Variants in ADGRB3 observed in about 807,000 individuals in gnomAD.
The protein encoded by ADGRB3 is adhesion G protein-coupled receptor B3, also known as brain-specific angiogenesis inhibitor 3.
In ADGRB3, 37 loss-of-function variants were observed where a neutral mutation model predicts 193.4. That is an observed-to-expected ratio of 0.19 (90% CI 0.15 to 0.25). The LOEUF (loss-of-function observed/expected upper bound fraction) is 0.25. ADGRB3 is among the 10% of genes least tolerant of loss of function. The probability of loss-of-function intolerance (pLI) is 1.00; values close to 1 mark genes in which losing one functional copy is unlikely to be tolerated. For synonymous variants in ADGRB3, 690 were observed against 644.2 expected (o/e 1.07, Z -1.08); for missense variants, 1,637 against 1,852.9 (o/e 0.88, Z 2.14).
At chr6:69,105,750 GC>G (rs1773189076) in intron 17 of ADGRB3, among the ~76,000 whole-genome samples, 1 of 152,144 alleles carries the variant, frequency 6.6e-6, no homozygotes, top group Non-Finnish European at 1.5e-5. Context: ...GGAGTAGCAT[GC>G]CCAAGGCTAC....
At chr6:69,255,641 A>G (rs1766748374) in intron 20 of ADGRB3, among the ~76,000 whole-genome samples, 1 of 151,866 alleles carries the variant, frequency 6.6e-6, no homozygotes, top group Admixed American at 6.6e-5. Flanking sequence ...ATTTTCTCCC[A>G]TTTTGTGGGT....
chr6:69,254,433 A>G (rs1035481387), intron 20 of ADGRB3, among the ~76,000 whole-genome samples: 2 of 152,070 alleles, frequency 1.3e-5, no homozygotes, highest in African/African-American at 4.8e-5. Context: ...AAAGGATTCT[A>G]TTATGTATAA....
intron 3 of ADGRB3, among the ~76,000 whole-genome samples, chr6:68,890,426 C>T (rs1222051745): frequency 6.6e-6 from 1 of 152,168 alleles, no homozygotes; most frequent in Admixed American, 6.6e-5. Flanking sequence ...TTTAAAGGAA[C>T]TTTGTTATAC....
chr6:69,045,129 A>G lies in ADGRB3; in HGVS notation c.2108-3056A>G, dbSNP rs562003706. Among the ~76,000 whole-genome samples, 17 of 152,318 alleles carry G rather than the reference A, an allele frequency of 1.1e-4. No individual in the cohort carries two copies. In the South Asian group the frequency reaches 2.9e-3, roughly 26 times the overall value. Reference sequence around the variant, plus strand: ...TTCCCTAAAGATGTTAACAGCATCAAAATTTTACCTGAGTGTTTTGACAGT... The same window carrying G: ...TTCCCTAAAGATGTTAACAGCATCAGAATTTTACCTGAGTGTTTTGACAGT... On this transcript the variant is annotated intron_variant, in intron 13 of 31. Transcript: ENST00000370598.
chr6:69,197,549 G>A (rs572608891), intron 17 of ADGRB3, among the ~76,000 whole-genome samples: 11 of 151,880 alleles, frequency 7.2e-5, no homozygotes, highest in South Asian at 2.1e-4. Context: ...AATAATTCAC[G>A]GAAAGGACAT....
At chr6:69,085,115 C>G (rs1772509811) in intron 17 of ADGRB3, among the ~76,000 whole-genome samples, 1 of 152,014 alleles carries the variant, frequency 6.6e-6, no homozygotes, top group Non-Finnish European at 1.5e-5. Flanking sequence ...AGATGCCAAC[C>G]AGAAGATTCC....
chr6:68,757,135 C>CT (rs1449519274), intron 3 of ADGRB3, among the ~76,000 whole-genome samples: 1 of 152,042 alleles, frequency 6.6e-6, no homozygotes, highest in Non-Finnish European at 1.5e-5. Flanking sequence ...CCCTCCTGTT[C>CT]TTTTCTGTTC....
At chr6:69,089,640 C>T (rs1166429441) in intron 17 of ADGRB3, among the ~76,000 whole-genome samples, 2 of 152,178 alleles carry the variant, frequency 1.3e-5, no homozygotes, top group African/African-American at 4.8e-5. Flanking sequence ...AACCACTTTA[C>T]AATTCTACTT....
intron 3 of ADGRB3, among the ~76,000 whole-genome samples, chr6:68,815,625 G>GTGTGT (rs1449524532): frequency 1.3e-3 from 193 of 147,212 alleles, no homozygotes; most frequent in Admixed American, 4.3e-3. Flanking sequence ...GTGTGTGTGT[G>GTGTGT]TGTGTGTGTG....
At chr6:69,042,038 T>G (rs1771088133) in intron 13 of ADGRB3, among the ~76,000 whole-genome samples, 1 of 152,178 alleles carries the variant, frequency 6.6e-6, no homozygotes, top group Non-Finnish European at 1.5e-5. Context: ...CACCCCATCT[T>G]GTTCTCGTGA....
chr6:69,323,605 C>T (rs1298854424), intron 20 of ADGRB3, among the ~76,000 whole-genome samples: 2 of 152,030 alleles, frequency 1.3e-5, no homozygotes, highest in African/African-American at 4.8e-5. Context: ...TGTTTTACTA[C>T]TGCTTATAAT....
chr6:69,030,166 G>A (rs1770595574), intron 13 of ADGRB3, among the ~76,000 whole-genome samples: 1 of 152,060 alleles, frequency 6.6e-6, no homozygotes, highest in African/African-American at 2.4e-5. Context: ...ACTGTTCGTG[G>A]GAGTGTAAAT....
intron 3 of ADGRB3, among the ~76,000 whole-genome samples, chr6:68,836,852 T>C (rs1768056282): frequency 6.6e-6 from 1 of 152,214 alleles, no homozygotes; most frequent in African/African-American, 2.4e-5. Context: ...GAGTGAAATG[T>C]GAAGGTGGAA....
intron 27 of ADGRB3, among the ~76,000 whole-genome samples, chr6:69,354,827 A>G (rs1769304993): frequency 6.6e-6 from 1 of 152,014 alleles, no homozygotes; most frequent in Admixed American, 6.6e-5. Flanking sequence ...AGGAGTAGCC[A>G]CTCTTTTAGT....
chr6:69,356,436 A>T (rs1158288700), intron 28 of ADGRB3, among the ~76,000 whole-genome samples: 1 of 152,106 alleles, frequency 6.6e-6, no homozygotes, highest in African/African-American at 2.4e-5. Context: ...GTATGACAAA[A>T]TAGAATTCTT....
intron 3 of ADGRB3, among the ~76,000 whole-genome samples, chr6:68,798,530 T>C (rs1157252413): frequency 1.1e-5 from 1 of 91,724 alleles, no homozygotes; most frequent in Admixed American, 1.4e-4. Flanking sequence ...GTGGGGCCTG[T>C]CAGGGGGTGG....
chr6:69,282,246 G>A lies in ADGRB3; in HGVS notation c.2815-42626G>A, dbSNP rs146482868. Among the ~76,000 whole-genome samples, 6 of 152,064 alleles carry A rather than the reference G, an allele frequency of 3.9e-5. No individual in the cohort carries two copies. The East Asian group carries it at 5.8e-4, about 15-fold the overall frequency. ...CTGCTTACATAGAAATCCACCCACC[G>A]TTTTGAAAAGGCATAAGATGCTTGA... On this transcript the variant is annotated intron_variant, in intron 20 of 31. Coordinates refer to ENST00000370598, the MANE Select transcript of ADGRB3 (RefSeq NM_001704.3).
At chr6:68,771,418 G>A (rs1766616111) in intron 3 of ADGRB3, among the ~76,000 whole-genome samples, 1 of 150,810 alleles carries the variant, frequency 6.6e-6, no homozygotes. Context: ...ACACATATAT[G>A]TATACACACA....
intron 3 of ADGRB3, among the ~76,000 whole-genome samples, chr6:68,816,563 G>A (rs1049314226): frequency 4.0e-5 from 6 of 151,386 alleles, no homozygotes; most frequent in Admixed American, 4.0e-4. Context: ...AATGCCTTTG[G>A]CTCCCAAGCT....
Sources: allele counts gnomAD v4.1 joint callset (sites outside exome capture counted in the v4.1 genomes callset), GRCh38; gene constraint gnomAD v4.1.1; transcripts MANE v1.5; gene names NCBI Gene and HGNC (gene_info 2026-07-23, HGNC 2026-07-21).